The following SDK1 variants were observed in gnomAD, a reference collection of about 807,000 sequenced individuals.
The protein encoded by SDK1 is protein sidekick-1.
Under a neutral mutation model 245.5 loss-of-function variants are expected in SDK1, and 157 were observed. That is an observed-to-expected ratio of 0.64 (90% confidence interval 0.56 to 0.73). The LOEUF is 0.73. Ranked by LOEUF, SDK1 falls within the 30% of genes least tolerant of loss-of-function variation. The pLI, the probability that SDK1 is intolerant of heterozygous loss-of-function variation, is 0.00. For missense variants in SDK1, 3,583 were observed against 3,002.3 expected (o/e 1.19, Z -4.52); for synonymous variants, 1,647 against 1,278.5 (o/e 1.29, Z -6.15).
chr7:3,342,810 T>C (rs988487999), intron 1 of SDK1, among the ~76,000 whole-genome samples: 2 of 152,082 alleles, frequency 1.3e-5, no homozygotes, highest in African/African-American at 4.8e-5. Context: ...ACCTAGAATA[T>C]GTAAAGAACT....
At chr7:3,670,261 A>C (rs1019034886) in intron 4 of SDK1, among the ~76,000 whole-genome samples, 3 of 152,206 alleles carry the variant, frequency 2.0e-5, no homozygotes, top group African/African-American at 7.2e-5. Context: ...AATCCTTAAT[A>C]TAAACAGCAG....
chr7:4,263,267 G>A (rs1243302582), intron 44 of SDK1, among the ~76,000 whole-genome samples: 2 of 145,920 alleles, frequency 1.4e-5, no homozygotes, highest in Non-Finnish European at 3.0e-5. Flanking sequence ...TTAGTCTCAG[G>A]CAAGCCAAAG....
rs900395077 is a variant in SDK1 at position 4,224,568 on chromosome 7, G to A, written c.5827+3204G>A. ...CACCGGGGACGATAATTCAACCTGA[G>A]ATTTGGGTGGGGACACAGAGCCAAA... On this transcript the variant is annotated intron_variant, in intron 40 of 44. Coordinates refer to ENST00000404826, the MANE Select transcript of SDK1 (RefSeq NM_152744.4). Among the ~76,000 whole-genome samples the A allele has an allele frequency of 4.6e-5, 7 of 152,190 alleles. No homozygotes were observed. In the East Asian group the frequency reaches 5.8e-4, roughly 13 times the overall value.
chr7:3,639,016 A>G lies in SDK1; in HGVS notation c.471A>G (p.Pro157=), dbSNP rs371819880. 7 of 1,599,228 alleles carry G rather than the reference A, an allele frequency of 4.4e-6. No individual in the cohort carries two copies. Among genetic ancestry groups the G allele is most frequent in the South Asian group, 1.1e-5 (1 of 89,432 alleles). Residue 157 remains proline (P), a synonymous_variant, in exon 3 of 45, where the codon CCA becomes CCG. Coordinates refer to ENST00000404826, the MANE Select transcript of SDK1 (RefSeq NM_152744.4). ...TGCTATTCAACAGGTACATTATTCC[A>G]TCTTTGCAGAAGCTCGATGCTGGGT... ...TYSSEYKYII[P]SLQKLDAGFY...
intron 17 of SDK1, among the ~76,000 whole-genome samples, chr7:4,022,062 C>CTGATTGT (rs1786938179): frequency 1.3e-5 from 2 of 152,214 alleles, no homozygotes; most frequent in African/African-American, 4.8e-5. Context: ...TGAAGTACCC[C>CTGATTGT]CAGCTATTAG....
chr7:4,248,612 G>A (rs919212596), intron 44 of SDK1, among the ~76,000 whole-genome samples: 2 of 150,384 alleles, frequency 1.3e-5, no homozygotes, highest in African/African-American at 4.9e-5. Flanking sequence ...ACACAAACAT[G>A]CACATACCTA....
At position 3,357,973 on chromosome 7, in the gene SDK1, A is replaced by G. The variant is rs143302154; in HGVS notation, c.298+56089A>G. ...AGCATAATAAAACTTTAAATCATTA[A>G]TGATATTCATAGATTGACATATAAG... On this transcript the variant is annotated intron_variant, in intron 1 of 44. Transcript: ENST00000404826. Among the ~76,000 whole-genome samples the G allele has an allele frequency of 3.3e-3, 496 of 152,290 alleles. 4 individuals are homozygous for G. The highest frequency in any genetic ancestry group is 0.011 in the African/African-American group (474 of 41,566).
chr7:3,770,876 T>G (rs373423912), intron 4 of SDK1, among the ~76,000 whole-genome samples: 40 of 152,294 alleles, frequency 2.6e-4, no homozygotes, highest in East Asian at 2.3e-3. Context: ...TGGCTTAGTT[T>G]CTTCTGTTGG....
intron 1 of SDK1, among the ~76,000 whole-genome samples, chr7:3,528,983 A>G (rs1325884127): frequency 6.6e-6 from 1 of 152,138 alleles, no homozygotes; most frequent in Non-Finnish European, 1.5e-5. Context: ...GGACTGAGCC[A>G]GGGAGGTAGC....
chr7:3,830,179 C>G (rs544896055), intron 5 of SDK1, among the ~76,000 whole-genome samples: 1 of 152,214 alleles, frequency 6.6e-6, no homozygotes, highest in African/African-American at 2.4e-5. Context: ...GGGAGTAAGG[C>G]AAGCACTTGG....
chr7:3,434,036 A>G (rs772795708), intron 1 of SDK1, among the ~76,000 whole-genome samples: 6 of 152,352 alleles, frequency 3.9e-5, no homozygotes, highest in Middle Eastern at 3.4e-3. Flanking sequence ...GTAGTGTTCC[A>G]TTTGTGCAGT....
intron 5 of SDK1, among the ~76,000 whole-genome samples, chr7:3,925,506 G>A (rs1241101113): frequency 1.3e-5 from 2 of 152,196 alleles, no homozygotes; most frequent in East Asian, 1.9e-4. Context: ...AAACTAAGCA[G>A]TTTTAATCCA....
chr7:3,659,542 G>A (rs556561724), intron 4 of SDK1, among the ~76,000 whole-genome samples: 2 of 152,308 alleles, frequency 1.3e-5, no homozygotes, highest in East Asian at 1.9e-4. Context: ...AAGGGGGCCT[G>A]TGTGGTACAT....
intron 2 of SDK1, among the ~76,000 whole-genome samples, chr7:3,628,288 C>T (rs12534865): frequency 0.25 from 37,382 of 151,924 alleles, 5,553 homozygotes; most frequent in Non-Finnish European, 0.33. Flanking sequence ...TTCTTTCTTT[C>T]AAGATAGAAT....
rs571442535 is a variant in SDK1 at position 4,162,304 on chromosome 7, C to T, written c.4800+448C>T. 2.6e-4 allele frequency among the ~76,000 whole-genome samples: 39 copies of T among 151,812 alleles called. No individual in the cohort carries two copies. The South Asian group carries it at 6.7e-3, about 26-fold the overall frequency. On this transcript the variant is annotated intron_variant, in intron 32 of 44. Transcript: ENST00000404826. ...ATCTGCAACCAGACAAAATATCTAC[C>T]GGATTGTACATATTTTCCCAAAGTC... is the stretch of plus-strand genomic sequence containing the variant.
At chr7:3,702,193 C>T (rs1474833735) in intron 4 of SDK1, among the ~76,000 whole-genome samples, 2 of 152,016 alleles carry the variant, frequency 1.3e-5, no homozygotes, top group East Asian at 1.9e-4. Context: ...AAAAGACAAA[C>T]CATAGACTGT....
At chr7:3,683,954 A>G (rs1757634612) in intron 4 of SDK1, among the ~76,000 whole-genome samples, 1 of 152,318 alleles carries the variant, frequency 6.6e-6, no homozygotes, top group Admixed American at 6.5e-5. Flanking sequence ...CAGGAATGAG[A>G]AAAGCACCCC....
chr7:3,354,518 G>C (rs1050023482), intron 1 of SDK1, among the ~76,000 whole-genome samples: 1 of 152,218 alleles, frequency 6.6e-6, no homozygotes, highest in African/African-American at 2.4e-5. Flanking sequence ...AAAGTTAACA[G>C]TCTTAACACT....
chr7:3,629,907 A>G (rs1782238657), intron 2 of SDK1, among the ~76,000 whole-genome samples: 1 of 152,238 alleles, frequency 6.6e-6, no homozygotes, highest in African/African-American at 2.4e-5. Flanking sequence ...AACAGTTATA[A>G]CTGTATTGCA....
Sources: allele counts gnomAD v4.1 joint callset (sites outside exome capture counted in the v4.1 genomes callset), GRCh38; gene constraint gnomAD v4.1.1; transcripts MANE v1.5; gene names NCBI Gene and HGNC (gene_info 2026-07-23, HGNC 2026-07-21).